FBXW7: variants seen among roughly 807,000 people sequenced by gnomAD.
FBXW7 encodes the protein F-box/WD repeat-containing protein 7.
A neutral mutation model predicts 86.3 loss-of-function variants in FBXW7; 11 were observed. The observed-to-expected ratio is 0.13, with a 90% confidence interval of 0.08 to 0.21. The LOEUF is 0.21. Ranked by LOEUF, FBXW7 falls within the 10% of genes least tolerant of loss-of-function variation. The pLI is 1.00. For synonymous variants in FBXW7, 313 were observed against 297.9 expected (o/e 1.05, Z -0.52); for missense variants, 488 against 847.4 (o/e 0.58, Z 5.27).
At chr4:152,526,477 C>CA (rs923729511) in intron 2 of FBXW7, among the ~76,000 whole-genome samples, 16 of 151,796 alleles carry the variant, frequency 1.1e-4, no homozygotes, top group African/African-American at 3.9e-4. Context: ...ATTAAGCACA[C>CA]AAAAAAAGGA....
At chr4:152,482,471 G>C (rs1157892009) in intron 2 of FBXW7, among the ~76,000 whole-genome samples, 3 of 152,192 alleles carry the variant, frequency 2.0e-5, no homozygotes, top group Non-Finnish European at 2.9e-5. Context: ...GTGGCCACTA[G>C]AACTCCTTTG....
At chr4:152,352,581 T>C (rs1309651233) in intron 4 of FBXW7, 10 of 1,613,920 alleles carry the variant, frequency 6.2e-6, no homozygotes, top group Non-Finnish European at 7.6e-6. Flanking sequence ...TCTGACAATA[T>C]AAACCTTTTT....
intron 2 of FBXW7, among the ~76,000 whole-genome samples, chr4:152,451,172 C>T (rs570442227): frequency 1.3e-5 from 2 of 152,200 alleles, no homozygotes; most frequent in African/African-American, 2.4e-5. Flanking sequence ...GGTACAGATA[C>T]GTTTTCAAAG....
At chr4:152,484,575 A>G (rs1328493143) in intron 2 of FBXW7, among the ~76,000 whole-genome samples, 1 of 152,240 alleles carries the variant, frequency 6.6e-6, no homozygotes, top group Non-Finnish European at 1.5e-5. Flanking sequence ...CATGTGGCAC[A>G]TTATTCATAT....
chr4:152,410,054 GATA>G (rs1377486389), intron 4 of FBXW7, among the ~76,000 whole-genome samples: 3 of 152,160 alleles, frequency 2.0e-5, no homozygotes, highest in Non-Finnish European at 4.4e-5. Context: ...TTTGGAAAAA[GATA>G]ATGTTTTGTC....
intron 2 of FBXW7, among the ~76,000 whole-genome samples, chr4:152,431,358 G>T (rs573778201): frequency 2.6e-5 from 4 of 152,242 alleles, no homozygotes; most frequent in Non-Finnish European, 1.5e-5. Flanking sequence ...AGTGGGTTTT[G>T]TAAGGTGGGA....
Position 152,329,656 on chromosome 4 carries a change from G to A in FBXW7, c.1236+16C>T. On this transcript the variant is annotated intron_variant, in intron 10 of 13. Transcript: ENST00000281708. The stretch of plus-strand genomic sequence containing the variant: ...CAAAATTATGACTTTGTGAAGTGTA[G>A]GAAGAGTAAACTTACTTTGCCTGTG... 1 of 1,389,760 alleles carries A rather than the reference G, an allele frequency of 7.2e-7. No homozygotes were observed. The highest frequency in any genetic ancestry group is 2.2e-5 in the Admixed American group (1 of 45,502). The allele number at this position is 1,389,760 out of a possible 1,614,324, so 86.1% of individuals were successfully genotyped here. A position where few individuals can be genotyped will look rare whatever the true frequency, so the allele number is the denominator to read the frequency against.
At chr4:152,523,649 T>C (rs1049469934) in intron 2 of FBXW7, among the ~76,000 whole-genome samples, 4 of 152,288 alleles carry the variant, frequency 2.6e-5, no homozygotes, top group African/African-American at 7.2e-5. Context: ...CTGGAGACAA[T>C]AAAGCTAGTC....
At chr4:152,516,143 C>T (rs1748468256) in intron 2 of FBXW7, among the ~76,000 whole-genome samples, 1 of 152,236 alleles carries the variant, frequency 6.6e-6, no homozygotes, top group Non-Finnish European at 1.5e-5. Context: ...CCAGCTAAAC[C>T]ATACCCAAAT....
chr4:152,331,509 G>C (rs1360625562), intron 8 of FBXW7, among the ~76,000 whole-genome samples: 1 of 151,984 alleles, frequency 6.6e-6, no homozygotes, highest in Non-Finnish European at 1.5e-5. Context: ...GAGGTACCTA[G>C]AGTAGTCAAA....
chr4:152,358,430 G>A (rs1732607458), intron 4 of FBXW7, among the ~76,000 whole-genome samples: 1 of 149,680 alleles, frequency 6.7e-6, no homozygotes, highest in South Asian at 2.1e-4. Flanking sequence ...TTCATTTCAA[G>A]AACTGTTTAA....
intron 2 of FBXW7, among the ~76,000 whole-genome samples, chr4:152,422,370 G>A (rs188022518): frequency 3.3e-5 from 5 of 152,260 alleles, no homozygotes; most frequent in South Asian, 2.1e-4. Flanking sequence ...AGTTGTAAGC[G>A]CAGTAAGTCT....
At chr4:152,416,560 T>C (rs936335052) in intron 2 of FBXW7, among the ~76,000 whole-genome samples, 3 of 152,182 alleles carry the variant, frequency 2.0e-5, no homozygotes, top group Non-Finnish European at 4.4e-5. Context: ...AGAAATCACA[T>C]TTGTAACTTT....
At chr4:152,337,692 A>G in intron 7 of FBXW7, 110 bp downstream of exon 7, 1 of 1,172,576 alleles carries the variant, frequency 8.5e-7, no homozygotes, top group South Asian at 1.6e-5. Context: ...TAAGAGTGTC[A>G]AACTGACAAT....
chr4:152,371,782 T>C (rs1030995250), intron 4 of FBXW7, among the ~76,000 whole-genome samples: 3 of 152,012 alleles, frequency 2.0e-5, no homozygotes, highest in African/African-American at 7.2e-5. Flanking sequence ...GAACTGGGCC[T>C]GGCTATTAGC....
At chr4:152,478,445 C>T (rs1744608931) in intron 2 of FBXW7, among the ~76,000 whole-genome samples, 1 of 152,008 alleles carries the variant, frequency 6.6e-6, no homozygotes, top group Non-Finnish European at 1.5e-5. Context: ...TATGTATAAA[C>T]ACATTTGTCC....
At chr4:152,346,771 G>A in intron 6 of FBXW7, 159 bp downstream of exon 6, 1 of 888,096 alleles carries the variant, frequency 1.1e-6, no homozygotes, top group Non-Finnish European at 1.7e-6. Flanking sequence ...ATCAACATGT[G>A]GCCTTTTGTG....
intron 2 of FBXW7, among the ~76,000 whole-genome samples, chr4:152,441,983 C>T (rs1740935522): frequency 6.6e-6 from 1 of 152,130 alleles, no homozygotes; most frequent in Non-Finnish European, 1.5e-5. Flanking sequence ...ATTTCACCAT[C>T]CCTCCCAGAA....
At chr4:152,432,652 CA>C (rs527341178) in intron 2 of FBXW7, among the ~76,000 whole-genome samples, 4 of 148,154 alleles carry the variant, frequency 2.7e-5, no homozygotes, top group Admixed American at 1.3e-4. Flanking sequence ...ACTAAAAACA[CA>C]AAAAAAAAAT....
Sources: gnomAD v4.1 joint callset for allele counts (sites outside exome capture counted in the v4.1 genomes callset) on GRCh38, gnomAD v4.1.1 for gene constraint, MANE v1.5 for transcripts, NCBI Gene and HGNC (gene_info 2026-07-23, HGNC 2026-07-21) for gene names.